The following SEPTIN10 variants were observed in gnomAD, a reference collection of about 807,000 sequenced individuals.
SEPTIN10 encodes septin-10.
A neutral mutation model predicts 54.8 loss-of-function variants in SEPTIN10; 66 were observed. The ratio of observed to expected loss-of-function variants is 1.21; its 90% CI spans 0.99 to 1.48. The LOEUF (loss-of-function observed/expected upper bound fraction) is 1.48. SEPTIN10 is among the 40% of genes most tolerant of loss of function. The pLI is 0.00. For missense variants in SEPTIN10, 620 were observed against 545.6 expected (o/e 1.14, Z -1.36); for synonymous variants, 161 against 181.0 (o/e 0.89, Z 0.89).
Position 109,613,961 on chromosome 2 carries a change from G to C in SEPTIN10, c.-134C>G. On this transcript the variant is annotated 5_prime_UTR_variant, in exon 1 of 11. Transcript: ENST00000397712. ...GAGGCTAGGCTGCCTCCGCGACGGG[G>C]AAGGGACAGGGGCGGGGCCGAGCTG... 1 of 1,160,200 alleles carries C rather than the reference G, an allele frequency of 8.6e-7. No homozygotes were observed. The allele number at this position is 1,160,200 out of a possible 1,614,324, so 71.9% of individuals were successfully genotyped here. A position where few individuals can be genotyped will look rare whatever the true frequency, so the allele number is the denominator to read the frequency against.
Position 109,585,293 on chromosome 2 carries a change from C to T in SEPTIN10, c.246G>A (p.Leu82=), listed in dbSNP as rs761278616. The change falls in exon 4 of 11, where the codon CTG becomes CTA. Residue 82 remains leucine, a synonymous_variant. Transcript: ENST00000397712. ...AATTAGTATTAAACAATGTGTCAAT[C>T]AGTGTTGATTTTCCAATTCCAGTTT... ...VGETGIGKST[L]IDTLFNTNFE... is the part of the protein sequence containing the mutation. The T allele has an allele frequency of 6.2e-7, 1 of 1,606,032 alleles. No homozygotes were observed. Among genetic ancestry groups the T allele is most frequent in the Non-Finnish European group, 8.5e-7 (1 of 1,177,132 alleles).
At chr2:109,600,626 A>G (rs1573821226) in intron 1 of SEPTIN10, among the ~76,000 whole-genome samples, 1 of 150,726 alleles carries the variant, frequency 6.6e-6, no homozygotes, top group Non-Finnish European at 1.5e-5. Flanking sequence ...GTTTTTTCCC[A>G]CCCACCCACC....
rs577233449 is a variant in SEPTIN10 at position 109,603,550 on chromosome 2, T to C, written c.30+10248A>G. On this transcript the variant is annotated intron_variant, in intron 1 of 10. Coordinates refer to ENST00000397712, the MANE Select transcript of SEPTIN10 (RefSeq NM_144710.5). ...CACCGCGCCCGGCCTCATAATATTA[T>C]TTTTAAAGCCTTACATTTTAAGGAC... 2.0e-4 allele frequency among the ~76,000 whole-genome samples: 30 copies of C among 152,272 alleles called. No homozygotes were observed. The South Asian group carries it at 2.3e-3, about 12-fold the overall frequency.
At chr2:109,603,092 A>G (rs1428947983) in intron 1 of SEPTIN10, among the ~76,000 whole-genome samples, 1 of 151,884 alleles carries the variant, frequency 6.6e-6, no homozygotes, top group Non-Finnish European at 1.5e-5. Flanking sequence ...AAAAAAAACA[A>G]AACAAAAAAG....
chr2:109,603,536 G>C lies in SEPTIN10; in HGVS notation c.30+10262C>G, dbSNP rs1207957965. ...TTACAGGCGTGCACCACCGCGCCCG[G>C]CCTCATAATATTATTTTTAAAGCCT... On this transcript the variant is annotated intron_variant, in intron 1 of 10. Transcript: ENST00000397712. Among the ~76,000 whole-genome samples, 4 of 150,202 alleles carry C rather than the reference G, an allele frequency of 2.7e-5. No homozygotes were observed. The East Asian group carries it at 8.4e-4, about 32-fold the overall frequency.
At chr2:109,606,889 T>C (rs983282200) in intron 1 of SEPTIN10, among the ~76,000 whole-genome samples, 31 of 152,078 alleles carry the variant, frequency 2.0e-4, no homozygotes, top group African/African-American at 7.5e-4. Flanking sequence ...TGACCGGAGG[T>C]GACCCACCCA....
intron 10 of SEPTIN10, chr2:109,545,420 G>A: frequency 1.3e-6 from 2 of 1,535,832 alleles, no homozygotes; most frequent in South Asian, 2.4e-5. Context: ...TCATCCACAT[G>A]CTACTCATGG....
At chr2:109,554,597 A>G (rs1349497864) in intron 8 of SEPTIN10, among the ~76,000 whole-genome samples, 1 of 152,204 alleles carries the variant, frequency 6.6e-6, no homozygotes, top group Non-Finnish European at 1.5e-5. Flanking sequence ...AAGAACCCAG[A>G]GAAAACCTGT....
chr2:109,583,183 A>C (rs866388608), intron 4 of SEPTIN10, among the ~76,000 whole-genome samples: 8 of 152,102 alleles, frequency 5.3e-5, no homozygotes, highest in Middle Eastern at 3.4e-3. Context: ...AATTAAACTA[A>C]AGAGCTTCTA....
At chr2:109,583,828 C>T (rs1691800094) in intron 4 of SEPTIN10, among the ~76,000 whole-genome samples, 1 of 152,174 alleles carries the variant, frequency 6.6e-6, no homozygotes, top group Admixed American at 6.5e-5. Context: ...AAAATCAAGT[C>T]TTTTGTACCA....
chr2:109,559,746 C>T (rs1307577508), intron 8 of SEPTIN10, among the ~76,000 whole-genome samples: 3 of 152,128 alleles, frequency 2.0e-5, no homozygotes, highest in African/African-American at 7.2e-5. Context: ...GCCTACTGGA[C>T]ATTCTTTCCC....
chr2:109,574,812 C>T (rs752132905), intron 4 of SEPTIN10, 45 bp from the exon 5 acceptor site: 1 of 1,369,882 alleles, frequency 7.3e-7, no homozygotes, highest in Non-Finnish European at 9.8e-7. Context: ...TTTGTGCTAC[C>T]TTAAGATATC....
intron 4 of SEPTIN10, among the ~76,000 whole-genome samples, chr2:109,578,532 G>A (rs564552367): frequency 1.3e-4 from 4 of 31,338 alleles, no homozygotes; most frequent in Non-Finnish European, 2.9e-4. Flanking sequence ...TTGGGAGGCC[G>A]AGGAGGGTGG....
chr2:109,555,707 C>A (rs983767432), intron 8 of SEPTIN10, among the ~76,000 whole-genome samples: 1 of 152,318 alleles, frequency 6.6e-6, no homozygotes, highest in African/African-American at 2.4e-5. Flanking sequence ...TGATCAATTA[C>A]GCAGCTGACC....
At chr2:109,547,800 T>C (rs1681694600) in intron 9 of SEPTIN10, among the ~76,000 whole-genome samples, 1 of 152,232 alleles carries the variant, frequency 6.6e-6, no homozygotes, top group Non-Finnish European at 1.5e-5. Flanking sequence ...TGGCTGGCAC[T>C]GAGTAAGCAC....
chr2:109,564,483 C>G lies in SEPTIN10; in HGVS notation c.911G>C (p.Cys304Ser), dbSNP rs773081171. 2.5e-6 allele frequency: 4 copies of G among 1,576,152 alleles called. No homozygotes were observed. In the East Asian group the frequency reaches 9.1e-5, roughly 36 times the overall value. ...DFVKLREMLICTNMEDLREQT... is the reference protein window; with the variant it reads ...DFVKLREMLISTNMEDLREQT... ...CTCTCGCAGGTCCTCCATATTTGTA[C>G]AAATGAGCATTTCCCGCAGCTTTAC... is the stretch of plus-strand genomic sequence containing the variant. The change falls in exon 8 of 11, where the codon TGT (cysteine) becomes TCT (serine). Residue 304 changes from cysteine to serine, a missense_variant. By Grantham distance (112) the Cys-to-Ser change is moderately radical. Coordinates refer to ENST00000397712, the MANE Select transcript of SEPTIN10 (RefSeq NM_144710.5).
chr2:109,593,026 GTATC>G (rs2051154647), intron 2 of SEPTIN10, 21 bp downstream of exon 2: 14 of 1,485,936 alleles, frequency 9.4e-6, no homozygotes, highest in Non-Finnish European at 1.3e-5. Flanking sequence ...GTACAATATG[GTATC>G]TATTTAAAAG....
chr2:109,563,271 C>T (rs1443549990), intron 8 of SEPTIN10, among the ~76,000 whole-genome samples: 1 of 152,152 alleles, frequency 6.6e-6, no homozygotes, highest in Non-Finnish European at 1.5e-5. Flanking sequence ...TAATTAACTC[C>T]ATAGACTGAA....
At chr2:109,604,558 T>A (rs897949805) in intron 1 of SEPTIN10, among the ~76,000 whole-genome samples, 4 of 150,496 alleles carry the variant, frequency 2.7e-5, no homozygotes, top group Non-Finnish European at 5.9e-5. Flanking sequence ...AAACCCTGTC[T>A]CCAGTAAAAA....
Sources: gnomAD v4.1 joint callset for allele counts (sites outside exome capture counted in the v4.1 genomes callset) on GRCh38, gnomAD v4.1.1 for gene constraint, MANE v1.5 for transcripts, NCBI Gene and HGNC (gene_info 2026-07-23, HGNC 2026-07-21) for gene names.